The following ROBO1 variants were observed in gnomAD, a reference collection of about 807,000 sequenced individuals.
The protein encoded by ROBO1 is roundabout homolog 1.
Under a neutral mutation model 195.9 loss-of-function variants are expected in ROBO1, and 149 were observed. The observed-to-expected ratio is 0.76, with a 90% CI of 0.67 to 0.87. The LOEUF is 0.87. Ranked by LOEUF, ROBO1 falls within the 40% of genes least tolerant of loss-of-function variation. The pLI is 0.00. For synonymous variants in ROBO1, 816 were observed against 733.2 expected, an observed-to-expected ratio of 1.11 and a Z score of -1.82; for missense variants, 1,933 against 2,068.3, an observed-to-expected ratio of 0.93 and a Z score of 1.27.
intron 2 of ROBO1, among the ~76,000 whole-genome samples, chr3:79,190,966 T>C (rs1172059559): frequency 1.3e-5 from 2 of 151,692 alleles, no homozygotes; most frequent in South Asian, 2.1e-4. Flanking sequence ...GATGCATTCA[T>C]TGAGATATTT....
rs368699366 is a variant in ROBO1, at chr3:79,035,340, T to C, written c.172+90116A>G. ...AACTCCCTCAGGTAGGTCTGTCACT[T>C]TTACGGATCTAACTTACTTTGTTAA... is the stretch of plus-strand genomic sequence containing the variant. On this transcript the variant is annotated intron_variant, in intron 3 of 30. Coordinates refer to ENST00000464233, the MANE Select transcript of ROBO1 (RefSeq NM_002941.4). Among the ~76,000 whole-genome samples the C allele has an allele frequency of 5.9e-4, 90 of 152,314 alleles. 1 individual carries two copies. The highest frequency in any genetic ancestry group is 2.1e-3 in the African/African-American group (87 of 41,570).
intron 4 of ROBO1, among the ~76,000 whole-genome samples, chr3:78,749,955 T>A (rs891074265): frequency 2.3e-4 from 35 of 152,184 alleles, no homozygotes; most frequent in Non-Finnish European, 3.8e-4. Context: ...TCCAAGTAGA[T>A]ATCACCTAAA....
At chr3:79,317,768 G>A (rs528936629) in intron 2 of ROBO1, among the ~76,000 whole-genome samples, 32 of 151,898 alleles carry the variant, frequency 2.1e-4, no homozygotes, top group African/African-American at 7.0e-4. Context: ...CAAAGCACTC[G>A]TGTTCTTGAA....
chr3:79,559,823 A>G (rs1942842116), intron 2 of ROBO1, among the ~76,000 whole-genome samples: 1 of 152,098 alleles, frequency 6.6e-6, no homozygotes, highest in Admixed American at 6.6e-5. Context: ...AGGCTGAGGC[A>G]GGAGAATTGC....
intron 3 of ROBO1, among the ~76,000 whole-genome samples, chr3:79,005,107 G>A (rs1162726266): frequency 3.3e-5 from 5 of 152,196 alleles, no homozygotes; most frequent in Admixed American, 6.5e-5. Context: ...CAAGGCATCA[G>A]ATAATGCTCA....
intron 2 of ROBO1, among the ~76,000 whole-genome samples, chr3:79,514,048 A>G (rs189329894): frequency 1.1e-4 from 16 of 152,340 alleles, no homozygotes; most frequent in Admixed American, 5.2e-4. Flanking sequence ...CACCACTTCT[A>G]TGATCCCAAC....
chr3:79,643,456 T>G (rs913486933), intron 1 of ROBO1, among the ~76,000 whole-genome samples: 2 of 152,098 alleles, frequency 1.3e-5, no homozygotes, highest in Non-Finnish European at 2.9e-5. Flanking sequence ...AAACCCTTAC[T>G]AATACAAAGC....
At chr3:78,843,646 A>C (rs553628444) in intron 4 of ROBO1, among the ~76,000 whole-genome samples, 1 of 152,238 alleles carries the variant, frequency 6.6e-6, no homozygotes, top group East Asian at 1.9e-4. Context: ...AGTTTTAACA[A>C]GAGATATGTA....
At chr3:79,707,334 A>G (rs9849596) in intron 1 of ROBO1, among the ~76,000 whole-genome samples, 43,320 of 151,986 alleles carry the variant, frequency 0.29, 7,210 homozygotes, top group African/African-American at 0.47. Flanking sequence ...CACAGGACCC[A>G]GAGTTATGTC....
At chr3:79,444,201 A>T (rs1206660257) in intron 2 of ROBO1, among the ~76,000 whole-genome samples, 3 of 152,096 alleles carry the variant, frequency 2.0e-5, no homozygotes, top group Non-Finnish European at 4.4e-5. Context: ...AGGAAGGAAA[A>T]ATAAATCACA....
At chr3:79,214,826 A>ATATATATT (rs1262558726) in intron 2 of ROBO1, among the ~76,000 whole-genome samples, 2 of 129,134 alleles carry the variant, frequency 1.5e-5, no homozygotes, top group South Asian at 2.4e-4. Context: ...ATATATATAT[A>ATATATATT]TTTTTTTTTT....
chr3:79,342,817 A>G (rs965344973), intron 2 of ROBO1, among the ~76,000 whole-genome samples: 2 of 152,198 alleles, frequency 1.3e-5, no homozygotes, highest in Non-Finnish European at 2.9e-5. Context: ...TTATCAGAGT[A>G]AAATATTTGT....
chr3:79,604,502 A>T (rs1220711215), intron 1 of ROBO1, among the ~76,000 whole-genome samples: 1 of 152,044 alleles, frequency 6.6e-6, no homozygotes, highest in Non-Finnish European at 1.5e-5. Context: ...TAGTCACTTT[A>T]AATGAGTTTT....
chr3:78,733,326 G>A (rs1415942429), intron 5 of ROBO1, among the ~76,000 whole-genome samples: 1 of 151,836 alleles, frequency 6.6e-6, no homozygotes, highest in Admixed American at 6.6e-5. Context: ...TCTGCATTTT[G>A]GACTCTGTTT....
chr3:79,490,146 G>T (rs748154983), intron 2 of ROBO1, among the ~76,000 whole-genome samples: 3 of 152,052 alleles, frequency 2.0e-5, no homozygotes, highest in African/African-American at 4.8e-5. Context: ...AATTTCCGTG[G>T]TTATATTATT....
intron 3 of ROBO1, among the ~76,000 whole-genome samples, chr3:79,103,964 T>C (rs1373760441): frequency 6.6e-6 from 1 of 151,706 alleles, no homozygotes; most frequent in Non-Finnish European, 1.5e-5. Flanking sequence ...TGGGAGCCTA[T>C]GATAGGAAAG....
At chr3:79,720,796 T>A (rs955081639) in intron 1 of ROBO1, among the ~76,000 whole-genome samples, 6 of 150,738 alleles carry the variant, frequency 4.0e-5, no homozygotes, top group Admixed American at 4.0e-4. Flanking sequence ...TTGCTAATTT[T>A]TTTTTTTTTT....
intron 1 of ROBO1, among the ~76,000 whole-genome samples, chr3:79,735,433 T>C (rs755534553): frequency 6.6e-6 from 1 of 152,192 alleles, no homozygotes; most frequent in African/African-American, 2.4e-5. Flanking sequence ...CGTTCAAATC[T>C]GAAAGATATG....
At chr3:79,051,689 T>C (rs2078702244) in intron 3 of ROBO1, among the ~76,000 whole-genome samples, 1 of 152,098 alleles carries the variant, frequency 6.6e-6, no homozygotes, top group African/African-American at 2.4e-5. Context: ...GGACCCTGAA[T>C]GGAGGGACCA....
Sources: allele counts gnomAD v4.1 joint callset (sites outside exome capture counted in the v4.1 genomes callset), GRCh38; gene constraint gnomAD v4.1.1; transcripts MANE v1.5; gene names NCBI Gene and HGNC (gene_info 2026-07-23, HGNC 2026-07-21).